COMMD10: variants seen among roughly 807,000 people sequenced by gnomAD.
COMMD10 encodes COMM domain-containing protein 10.
COMMD10 carries 33 observed loss-of-function variants against 28.9 expected under a neutral mutation model. The observed-to-expected ratio is 1.14, with a 90% CI of 0.87 to 1.53. COMMD10 has a LOEUF of 1.53. Among genes scored for constraint, COMMD10 ranks in the 40% most tolerant of loss-of-function variants. The pLI is 0.00. For synonymous variants in COMMD10, 110 were observed against 81.7 expected (o/e 1.35, Z -1.87); for missense variants, 310 against 233.4 (o/e 1.33, Z -2.14).
At chr5:116,145,653 C>T (rs1397953864) in intron 5 of COMMD10, among the ~76,000 whole-genome samples, 1 of 151,826 alleles carries the variant, frequency 6.6e-6, no homozygotes, top group Non-Finnish European at 1.5e-5. Context: ...AATTGCAATC[C>T]TCACAATCCC....
intron 4 of COMMD10, among the ~76,000 whole-genome samples, chr5:116,108,064 C>A (rs1750901720): frequency 6.6e-6 from 1 of 152,202 alleles, no homozygotes; most frequent in African/African-American, 2.4e-5. Context: ...CAGAGGGGCA[C>A]CCACAAGATG....
At chr5:116,184,091 T>G (rs1031734106) in intron 5 of COMMD10, among the ~76,000 whole-genome samples, 2 of 152,098 alleles carry the variant, frequency 1.3e-5, no homozygotes, top group African/African-American at 4.8e-5. Flanking sequence ...GAACAAATAC[T>G]ATTAATGACT....
intron 5 of COMMD10, among the ~76,000 whole-genome samples, chr5:116,200,875 A>G (rs1046920190): frequency 6.6e-6 from 1 of 152,190 alleles, no homozygotes; most frequent in Non-Finnish European, 1.5e-5. Context: ...TATGATTCCA[A>G]CATCCCTGCC....
intron 5 of COMMD10, among the ~76,000 whole-genome samples, chr5:116,209,489 T>TA (rs1748903904): frequency 6.6e-6 from 1 of 152,156 alleles, no homozygotes; most frequent in Admixed American, 6.5e-5. Flanking sequence ...TTGCAAGTAT[T>TA]ACTGTTAATC....
chr5:116,238,899 C>T (rs1348001721), intron 5 of COMMD10, among the ~76,000 whole-genome samples: 3 of 152,074 alleles, frequency 2.0e-5, no homozygotes, highest in Admixed American at 1.3e-4. Context: ...TTTAGACGAA[C>T]GATTTGGATG....
At chr5:116,224,709 T>C (rs1373332532) in intron 5 of COMMD10, among the ~76,000 whole-genome samples, 1 of 152,150 alleles carries the variant, frequency 6.6e-6, no homozygotes, top group Non-Finnish European at 1.5e-5. Context: ...CCTCCAGCAT[T>C]AGACATCCTA....
At chr5:116,224,459 T>C (rs1237867043) in intron 5 of COMMD10, among the ~76,000 whole-genome samples, 1 of 152,226 alleles carries the variant, frequency 6.6e-6, no homozygotes, top group Non-Finnish European at 1.5e-5. Flanking sequence ...GGAAGTGTAG[T>C]GCTCTCATCT....
At chr5:116,192,273 C>G (rs879432448) in intron 5 of COMMD10, among the ~76,000 whole-genome samples, 2 of 109,382 alleles carry the variant, frequency 1.8e-5, no homozygotes, top group African/African-American at 6.2e-5. Context: ...CCCCCCCCCC[C>G]AAAAATAACA....
chr5:116,170,081 T>C (rs1753270220), intron 5 of COMMD10, among the ~76,000 whole-genome samples: 1 of 152,112 alleles, frequency 6.6e-6, no homozygotes. Flanking sequence ...ATTGTATATT[T>C]AGAAACCACA....
intron 4 of COMMD10, among the ~76,000 whole-genome samples, chr5:116,132,984 T>A (rs187299143): frequency 6.6e-6 from 1 of 152,280 alleles, no homozygotes; most frequent in East Asian, 1.9e-4. Flanking sequence ...CTCAAATAGA[T>A]AATACTTCCA....
In COMMD10 at chr5:116,201,473, A is replaced by T. The variant is rs113778627; in HGVS notation, c.510+67295A>T. Among the ~76,000 whole-genome samples the T allele has an allele frequency of 7.6e-3, 1,150 of 152,260 alleles. 23 individuals are homozygous for T. The highest frequency in any genetic ancestry group is 0.027 in the African/African-American group (1,109 of 41,564). Reference sequence around the variant, plus strand: ...TTTTCTTACACTGGCACTAGCTCCCATGGAGGTTTCTACTTCTGGGTTTCT... The same window carrying T: ...TTTTCTTACACTGGCACTAGCTCCCTTGGAGGTTTCTACTTCTGGGTTTCT... On this transcript the variant is annotated intron_variant, in intron 5 of 6. Coordinates refer to ENST00000274458, the MANE Select transcript of COMMD10 (RefSeq NM_016144.4).
intron 4 of COMMD10, among the ~76,000 whole-genome samples, chr5:116,103,689 C>G (rs1750739297): frequency 6.6e-6 from 1 of 152,154 alleles, no homozygotes; most frequent in South Asian, 2.1e-4. Context: ...TCCATTTTGG[C>G]TTTTGTTACC....
intron 5 of COMMD10, among the ~76,000 whole-genome samples, chr5:116,199,651 C>T (rs1403171833): frequency 6.6e-6 from 1 of 152,156 alleles, no homozygotes; most frequent in Non-Finnish European, 1.5e-5. Flanking sequence ...GAGTTTCTGA[C>T]CTGTCTCCTT....
intron 5 of COMMD10, among the ~76,000 whole-genome samples, chr5:116,135,584 G>A (rs1487768861): frequency 6.6e-6 from 1 of 152,166 alleles, no homozygotes; most frequent in Non-Finnish European, 1.5e-5. Context: ...GTCAACTGCC[G>A]TTTGAAATAG....
At chr5:116,240,188 T>C (rs999378174) in intron 5 of COMMD10, among the ~76,000 whole-genome samples, 1 of 151,520 alleles carries the variant, frequency 6.6e-6, no homozygotes, top group Non-Finnish European at 1.5e-5. Flanking sequence ...AACATAAGTG[T>C]AGACAGGTAG....
intron 5 of COMMD10, among the ~76,000 whole-genome samples, chr5:116,231,675 T>C (rs759164095): frequency 1.2e-4 from 19 of 152,140 alleles, no homozygotes; most frequent in Non-Finnish European, 4.4e-5. Flanking sequence ...ATAAAACTAT[T>C]TTAGTATGAT....
At chr5:116,174,111 T>C (rs1753426262) in intron 5 of COMMD10, among the ~76,000 whole-genome samples, 1 of 151,770 alleles carries the variant, frequency 6.6e-6, no homozygotes, top group Admixed American at 6.6e-5. Context: ...GATATGGAGA[T>C]GGAGAGCAAT....
At chr5:116,197,994 G>C (rs1417538501) in intron 5 of COMMD10, among the ~76,000 whole-genome samples, 1 of 152,112 alleles carries the variant, frequency 6.6e-6, no homozygotes, top group South Asian at 2.1e-4. Context: ...TACCCTCCCT[G>C]CTGTCTCCTC....
At chr5:116,197,139 T>C (rs1748544535) in intron 5 of COMMD10, among the ~76,000 whole-genome samples, 1 of 152,142 alleles carries the variant, frequency 6.6e-6, no homozygotes, top group African/African-American at 2.4e-5. Context: ...GGTTGCCTCA[T>C]CAAATTTTGC....
Sources: gnomAD v4.1 joint callset for allele counts (sites outside exome capture counted in the v4.1 genomes callset) on GRCh38, gnomAD v4.1.1 for gene constraint, MANE v1.5 for transcripts, NCBI Gene and HGNC (gene_info 2026-07-23, HGNC 2026-07-21) for gene names.